Variants in SYNPR observed in about 807,000 individuals in gnomAD.
SYNPR encodes the protein synaptoporin.
SYNPR carries 23 observed loss-of-function variants against 32.9 expected under a neutral mutation model. That is an observed-to-expected ratio of 0.70 (90% confidence interval 0.50 to 0.99). The LOEUF (loss-of-function observed/expected upper bound fraction) is 0.99. SYNPR is among the 50% of genes least tolerant of loss of function. The pLI is 0.00. For synonymous variants in SYNPR, 146 were observed against 135.9 expected, an observed-to-expected ratio of 1.07 and a Z score of -0.52; for missense variants, 318 against 349.3, an observed-to-expected ratio of 0.91 and a Z score of 0.71.
chr3:63,258,589 T>G (rs2086409056), intron 2 of SYNPR, among the ~76,000 whole-genome samples: 1 of 152,062 alleles, frequency 6.6e-6, no homozygotes, highest in South Asian at 2.1e-4. Flanking sequence ...GAGGGAAATT[T>G]ATAGCAGTAA....
chr3:63,477,803 C>T (rs1324474741), intron 2 of SYNPR, among the ~76,000 whole-genome samples: 1 of 152,228 alleles, frequency 6.6e-6, no homozygotes, highest in African/African-American at 2.4e-5. Flanking sequence ...GTGCCTGCAC[C>T]TGCACAAGAG....
chr3:63,562,849 T>G (rs1160360358), intron 4 of SYNPR, among the ~76,000 whole-genome samples: 2 of 152,198 alleles, frequency 1.3e-5, no homozygotes, highest in African/African-American at 4.8e-5. Context: ...TTAATCTTCT[T>G]GTGTGAAATA....
At chr3:63,214,389 T>G in the SYNPR span, among the ~76,000 whole-genome samples, 1 of 36,520 alleles carries the variant, frequency 2.7e-5, no homozygotes, top group African/African-American at 9.1e-5. Context: ...TTTCAGAGCC[T>G]GTTATTGGTC....
chr3:63,568,648 C>A (rs1046424666), intron 4 of SYNPR, among the ~76,000 whole-genome samples: 1 of 152,056 alleles, frequency 6.6e-6, no homozygotes, highest in Non-Finnish European at 1.5e-5. Context: ...TTGATAGTGA[C>A]CACATTGCCC....
At chr3:63,586,795 C>T (rs963855932) in intron 4 of SYNPR, among the ~76,000 whole-genome samples, 1 of 151,706 alleles carries the variant, frequency 6.6e-6, no homozygotes, top group African/African-American at 2.4e-5. Context: ...GCGCAAGGAC[C>T]TCACAGTGCT....
intron 2 of SYNPR, among the ~76,000 whole-genome samples, chr3:63,408,310 AGG>A (rs1491296160): frequency 2.0e-4 from 23 of 117,040 alleles, no homozygotes; most frequent in Middle Eastern, 3.7e-3. Context: ...GAAGGAAGGA[AGG>A]AAGGAAGGAA....
intron 2 of SYNPR, among the ~76,000 whole-genome samples, chr3:63,327,351 T>C (rs2087178397): frequency 1.3e-5 from 2 of 152,140 alleles, no homozygotes; most frequent in South Asian, 4.1e-4. Flanking sequence ...TATGTATATG[T>C]TGAAATGAAA....
chr3:63,384,300 A>G (rs975812460), intron 2 of SYNPR, among the ~76,000 whole-genome samples: 20 of 152,236 alleles, frequency 1.3e-4, no homozygotes, highest in Admixed American at 9.8e-4. Flanking sequence ...TGAGTGCTCA[A>G]TAAACATTCT....
intron 3 of SYNPR, among the ~76,000 whole-genome samples, chr3:63,520,784 T>G (rs968204296): frequency 6.6e-6 from 1 of 152,154 alleles, no homozygotes; most frequent in Non-Finnish European, 1.5e-5. Flanking sequence ...CCAAGTCATG[T>G]CTGACAGCAA....
chr3:63,433,746 C>G (rs1203793320), intron 2 of SYNPR, among the ~76,000 whole-genome samples: 3 of 152,070 alleles, frequency 2.0e-5, no homozygotes, highest in Admixed American at 2.0e-4. Flanking sequence ...AAGCCTCACC[C>G]AGATAGGAGG....
chr3:63,491,130 A>G (rs962263767), intron 3 of SYNPR, among the ~76,000 whole-genome samples: 1 of 152,146 alleles, frequency 6.6e-6, no homozygotes, highest in Non-Finnish European at 1.5e-5. Flanking sequence ...AATCTACACA[A>G]TTCCATTGAG....
chr3:63,492,282 C>A (rs1701270238), intron 3 of SYNPR, among the ~76,000 whole-genome samples: 1 of 152,082 alleles, frequency 6.6e-6, no homozygotes, highest in Non-Finnish European at 1.5e-5. Flanking sequence ...ATGATGACTA[C>A]CACAGAAACC....
At chr3:63,535,844 T>C (rs1229478360) in intron 3 of SYNPR, among the ~76,000 whole-genome samples, 4 of 151,774 alleles carry the variant, frequency 2.6e-5, no homozygotes, top group African/African-American at 7.3e-5. Context: ...GAAGAAAATA[T>C]AGGAGTAAAT....
intron 3 of SYNPR, among the ~76,000 whole-genome samples, chr3:63,518,335 T>C (rs574220984): frequency 6.6e-6 from 1 of 152,190 alleles, no homozygotes; most frequent in South Asian, 2.1e-4. Flanking sequence ...GAGTCCTGAA[T>C]TCTTGACTGC....
intron 2 of SYNPR, among the ~76,000 whole-genome samples, chr3:63,254,058 A>G (rs1488470862): frequency 1.3e-5 from 2 of 152,142 alleles, no homozygotes; most frequent in Non-Finnish European, 2.9e-5. Context: ...TCAGCAAACT[A>G]TCGCAAGGAC....
intron 2 of SYNPR, among the ~76,000 whole-genome samples, chr3:63,454,574 G>T (rs528060939): frequency 7.9e-5 from 12 of 152,134 alleles, no homozygotes; most frequent in South Asian, 2.1e-4. Flanking sequence ...GCTCAGGAAG[G>T]CCATTTCCAA....
chr3:63,464,518 A>G (rs1700643090), intron 2 of SYNPR, among the ~76,000 whole-genome samples: 1 of 152,148 alleles, frequency 6.6e-6, no homozygotes, highest in Admixed American at 6.6e-5. Context: ...TACTAAGAAT[A>G]AGATCCTTTT....
At chr3:63,399,136 G>C (rs1481945367) in intron 2 of SYNPR, among the ~76,000 whole-genome samples, 1 of 152,202 alleles carries the variant, frequency 6.6e-6, no homozygotes, top group Non-Finnish European at 1.5e-5. Context: ...GAATGAAGGA[G>C]ATGCAAAATG....
At chr3:63,394,699 T>C (rs1033992928) in intron 2 of SYNPR, among the ~76,000 whole-genome samples, 3 of 152,204 alleles carry the variant, frequency 2.0e-5, no homozygotes, top group African/African-American at 7.2e-5. Flanking sequence ...ACTGCCAAGA[T>C]ATAACCATAC....
Sources: gnomAD v4.1 joint callset for allele counts (sites outside exome capture counted in the v4.1 genomes callset) on GRCh38, gnomAD v4.1.1 for gene constraint, MANE v1.5 for transcripts, NCBI Gene and HGNC (gene_info 2026-07-23, HGNC 2026-07-21) for gene names.